The following SYT16 variants were observed in gnomAD, a reference collection of about 807,000 sequenced individuals.
The protein encoded by SYT16 is synaptotagmin 16.
In SYT16, 42 loss-of-function variants were observed where a neutral mutation model predicts 61.4. That is an observed-to-expected ratio of 0.68 (90% CI 0.53 to 0.89). SYT16 has a LOEUF of 0.89. Among genes scored for constraint, SYT16 ranks in the 40% least tolerant of loss-of-function variants. The probability of loss-of-function intolerance (pLI) is 0.00; values close to 1 mark genes in which losing one functional copy is unlikely to be tolerated. For synonymous variants in SYT16, 314 were observed against 302.3 expected (o/e 1.04, Z -0.40); for missense variants, 804 against 807.3 (o/e 1.00, Z 0.05).
intron 2 of SYT16, among the ~76,000 whole-genome samples, chr14:61,994,611 A>G (rs983266105): frequency 3.3e-5 from 5 of 152,138 alleles, no homozygotes; most frequent in Admixed American, 1.3e-4. Flanking sequence ...CCATAGGACA[A>G]GTTTTGGTTG....
rs2057567581 is a variant in SYT16 at position 62,109,438 on chromosome 14, C to T, written c.*8731C>T. ...TTGCTCTTATTTCTAGTTCCAGTTGCTATGGCAAATTTTATTAAAGTGCGT... is the reference window on the plus strand; with the variant it reads ...TTGCTCTTATTTCTAGTTCCAGTTGTTATGGCAAATTTTATTAAAGTGCGT... On this transcript the variant is annotated 3_prime_UTR_variant, in exon 8 of 8. Coordinates refer to ENST00000683842, the MANE Select transcript of SYT16 (RefSeq NM_001367656.1). The T allele has an allele frequency of 6.6e-6, 1 of 152,008 alleles. No homozygotes were observed. Among genetic ancestry groups the T allele is most frequent in the African/African-American group, 2.4e-5 (1 of 41,388 alleles). The allele number at this position is 152,008 out of a possible 1,614,324, so 9.4% of individuals were successfully genotyped here.
At chr14:62,096,693 T>C (rs2141014236) in intron 7 of SYT16, among the ~76,000 whole-genome samples, 1 of 152,212 alleles carries the variant, frequency 6.6e-6, no homozygotes, top group East Asian at 1.9e-4. Context: ...TCTATGGAAA[T>C]GATAAACTGG....
intron 1 of SYT16, among the ~76,000 whole-genome samples, chr14:61,867,125 A>G (rs935115205): frequency 1.3e-5 from 2 of 152,040 alleles, no homozygotes; most frequent in African/African-American, 4.8e-5. Flanking sequence ...CTTTATGCTA[A>G]TATCATACTG....
intron 1 of SYT16, among the ~76,000 whole-genome samples, chr14:61,865,889 A>G (rs549540775): frequency 6.6e-6 from 1 of 152,290 alleles, no homozygotes; most frequent in African/African-American, 2.4e-5. Flanking sequence ...ATCATTTTAT[A>G]TCTGGAATTA....
chr14:62,012,389 G>A (rs894991087), intron 3 of SYT16, among the ~76,000 whole-genome samples: 1 of 152,178 alleles, frequency 6.6e-6, no homozygotes, highest in Admixed American at 6.5e-5. Flanking sequence ...GGTCCCAGAG[G>A]CTACCTTGCC....
chr14:61,952,810 A>G (rs893878675), intron 1 of SYT16, among the ~76,000 whole-genome samples: 1 of 152,166 alleles, frequency 6.6e-6, no homozygotes, highest in African/African-American at 2.4e-5. Context: ...TTTTCCTTCC[A>G]AAGAATTTGT....
At chr14:62,051,780 C>T (rs1037651340) in intron 3 of SYT16, among the ~76,000 whole-genome samples, 2 of 152,152 alleles carry the variant, frequency 1.3e-5, no homozygotes, top group Admixed American at 1.3e-4. Context: ...GGCTGTATTC[C>T]TAGCACTTTG....
chr14:62,111,891 G>T lies in SYT16; in HGVS notation c.*11184G>T, dbSNP rs1409783203. Reference sequence around the variant, plus strand: ...CTCATAGTATGACTTATTGATTCATGGTGTCTCTTATTAAAGAAGCATGAA... The same window carrying T: ...CTCATAGTATGACTTATTGATTCATTGTGTCTCTTATTAAAGAAGCATGAA... On this transcript the variant is annotated 3_prime_UTR_variant, in exon 8 of 8. Coordinates refer to ENST00000683842, the MANE Select transcript of SYT16 (RefSeq NM_001367656.1). 1 of 151,972 alleles carries T rather than the reference G, an allele frequency of 6.6e-6. No homozygotes were observed. Among genetic ancestry groups the T allele is most frequent in the East Asian group, 1.9e-4 (1 of 5,194 alleles). 9.4% of individuals were successfully genotyped at this position (151,972 alleles called of 1,614,324 possible). A position where few individuals can be genotyped will look rare whatever the true frequency, so the allele number is the denominator to read the frequency against.
Position 62,111,580 on chromosome 14 carries a change from T to C in SYT16, c.*10873T>C, listed in dbSNP as rs563932400. ...GGTTTAGTATAAAATCTGGTCTTCC[T>C]CTAGATTTCTAAGTCACTAGAAGAA... On this transcript the variant is annotated 3_prime_UTR_variant, in exon 8 of 8. Coordinates refer to ENST00000683842, the MANE Select transcript of SYT16 (RefSeq NM_001367656.1). 3.3e-5 allele frequency: 5 copies of C among 152,264 alleles called. No homozygotes were observed. Among genetic ancestry groups the C allele is most frequent in the African/African-American group, 1.2e-4 (5 of 41,586 alleles). 9.4% of individuals were successfully genotyped at this position (152,264 alleles called of 1,614,324 possible).
intron 1 of SYT16, among the ~76,000 whole-genome samples, chr14:61,906,953 A>T (rs541070104): frequency 6.6e-6 from 1 of 152,366 alleles, no homozygotes; most frequent in South Asian, 2.1e-4. Flanking sequence ...ATTAGAAATC[A>T]TCTTAGAAGT....
chr14:62,039,909 A>C (rs1201390188), intron 3 of SYT16, among the ~76,000 whole-genome samples: 3 of 151,694 alleles, frequency 2.0e-5, no homozygotes, highest in African/African-American at 7.3e-5. Context: ...ACTGACTCAC[A>C]TTAGTGAAAA....
At chr14:61,858,422 C>CA (rs1301179104) in intron 1 of SYT16, among the ~76,000 whole-genome samples, 1 of 152,038 alleles carries the variant, frequency 6.6e-6, no homozygotes, top group East Asian at 1.9e-4. Flanking sequence ...TTCTTCCCAC[C>CA]AATACATCAA....
rs960204367 is a variant in SYT16, at chr14:62,064,996, G to T, written c.524-4607G>T. Among the ~76,000 whole-genome samples, 8 of 152,160 alleles carry T rather than the reference G, an allele frequency of 5.3e-5. 1 individual carries two copies. In the East Asian group the frequency reaches 1.5e-3, roughly 29 times the overall value. ...ATTCCCTGAGGTCCTTGGGGAGTGA[G>T]GCTTAGAATAGCACGTGTGGATGTG... On this transcript the variant is annotated intron_variant, in intron 3 of 7. Transcript: ENST00000683842.
chr14:61,885,082 G>A (rs1408526122), intron 1 of SYT16, among the ~76,000 whole-genome samples: 1 of 152,124 alleles, frequency 6.6e-6, no homozygotes, highest in Non-Finnish European at 1.5e-5. Context: ...CTTAGGTGCT[G>A]TTGCTTCAGA....
chr14:61,971,260 C>A (rs1004987996), intron 2 of SYT16, among the ~76,000 whole-genome samples: 1 of 152,112 alleles, frequency 6.6e-6, no homozygotes, highest in African/African-American at 2.4e-5. Flanking sequence ...AGTAACTTAA[C>A]AAAAATTCAT....
At chr14:62,084,162 G>T in intron 6 of SYT16, 34 bp from the exon 7 acceptor site, 3 of 1,605,394 alleles carry the variant, frequency 1.9e-6, no homozygotes, top group Non-Finnish European at 1.7e-6. Flanking sequence ...GTGCAGCGTG[G>T]GCCAATGGAT....
At chr14:61,934,135 T>G (rs868299510) in intron 1 of SYT16, among the ~76,000 whole-genome samples, 5 of 152,222 alleles carry the variant, frequency 3.3e-5, no homozygotes, top group South Asian at 2.1e-4. Context: ...TTTCTATGCT[T>G]ATAACATTCA....
chr14:61,897,069 C>A (rs557160089), intron 1 of SYT16, among the ~76,000 whole-genome samples: 1 of 152,300 alleles, frequency 6.6e-6, no homozygotes, highest in African/African-American at 2.4e-5. Flanking sequence ...AAGAATATTT[C>A]ATGTGAACAT....
At chr14:61,919,270 C>T (rs2049240065) in intron 1 of SYT16, among the ~76,000 whole-genome samples, 1 of 152,186 alleles carries the variant, frequency 6.6e-6, no homozygotes, top group Non-Finnish European at 1.5e-5. Context: ...AACGCAACAG[C>T]CTCCTAGTTG....
Sources: allele counts gnomAD v4.1 joint callset (sites outside exome capture counted in the v4.1 genomes callset), GRCh38; gene constraint gnomAD v4.1.1; transcripts MANE v1.5; gene names NCBI Gene and HGNC (gene_info 2026-07-23, HGNC 2026-07-21).